The following CAMK1D variants were observed in gnomAD, a reference collection of about 807,000 sequenced individuals.
CAMK1D encodes calcium/calmodulin-dependent protein kinase type 1D.
CAMK1D carries 9 observed loss-of-function variants against 47.7 expected under a neutral mutation model. The observed-to-expected ratio is 0.19, with a 90% CI of 0.11 to 0.33. The LOEUF (loss-of-function observed/expected upper bound fraction) is 0.33. CAMK1D is among the 10% of genes least tolerant of loss of function. CAMK1D has a pLI of 1.00. For missense variants in CAMK1D, 291 were observed against 488.7 expected (o/e 0.60, Z 3.81); for synonymous variants, 184 against 184.9 (o/e 0.99, Z 0.04).
chr10:12,478,336 C>T (rs12761525), intron 1 of CAMK1D, among the ~76,000 whole-genome samples: 22,674 of 152,086 alleles, frequency 0.15, 1,794 homozygotes, highest in South Asian at 0.21. Context: ...CAAGGTCTCG[C>T]TCTGTCACCC....
At chr10:12,442,406 G>A (rs746668765) in intron 1 of CAMK1D, among the ~76,000 whole-genome samples, 3 of 152,002 alleles carry the variant, frequency 2.0e-5, no homozygotes, top group Admixed American at 6.6e-5. Flanking sequence ...GCGTGAACCC[G>A]GGAGGCAGAG....
intron 1 of CAMK1D, among the ~76,000 whole-genome samples, chr10:12,523,552 G>A (rs12768628): frequency 0.51 from 76,354 of 150,464 alleles, 19,617 homozygotes; most frequent in South Asian, 0.62. Flanking sequence ...AGACCAGCCC[G>A]GCCAACACAG....
In CAMK1D at chr10:12,742,369, A is replaced by G. The variant is rs79291483; in HGVS notation, c.300-18579A>G. 7.5e-3 allele frequency among the ~76,000 whole-genome samples: 1,139 copies of G among 152,240 alleles called. 17 individuals are homozygous for G. Among genetic ancestry groups the G allele is most frequent in the African/African-American group, 0.026 (1,084 of 41,566 alleles). On this transcript the variant is annotated intron_variant, in intron 3 of 10. Coordinates refer to ENST00000619168, the MANE Select transcript of CAMK1D (RefSeq NM_153498.4). ...AGGCTGGTTTCCAACTCCTGGGCTC[A>G]GGCAATCCGCCTGCCTTGGCCTCCC...
At chr10:12,696,742 GA>G (rs1164923289) in intron 3 of CAMK1D, among the ~76,000 whole-genome samples, 1 of 152,278 alleles carries the variant, frequency 6.6e-6, no homozygotes, top group Middle Eastern at 3.4e-3. Context: ...GGAAGCCTCA[GA>G]ATTTTCTACT....
chr10:12,730,604 A>G (rs1460895506), intron 3 of CAMK1D, among the ~76,000 whole-genome samples: 2 of 152,192 alleles, frequency 1.3e-5, no homozygotes, highest in African/African-American at 4.8e-5. Flanking sequence ...GGGAAGGGCT[A>G]CAGACTGAGC....
intron 1 of CAMK1D, among the ~76,000 whole-genome samples, chr10:12,448,330 A>G (rs914073785): frequency 4.8e-5 from 7 of 145,408 alleles, no homozygotes; most frequent in Non-Finnish European, 1.0e-4. Context: ...TGGATTTTTT[A>G]CTTATTTTTA....
At chr10:12,394,309 C>A (rs914212658) in intron 1 of CAMK1D, among the ~76,000 whole-genome samples, 1 of 152,254 alleles carries the variant, frequency 6.6e-6, no homozygotes, top group African/African-American at 2.4e-5. Flanking sequence ...ACCAGAAACT[C>A]CCCAGACCTC....
chr10:12,380,675 T>G (rs1053232048), intron 1 of CAMK1D, among the ~76,000 whole-genome samples: 2 of 152,064 alleles, frequency 1.3e-5, no homozygotes, highest in Non-Finnish European at 2.9e-5. Context: ...GCTAACACGG[T>G]GAAACCCCAT....
At chr10:12,782,655 G>A (rs976989643) in intron 5 of CAMK1D, among the ~76,000 whole-genome samples, 7 of 152,160 alleles carry the variant, frequency 4.6e-5, no homozygotes, top group African/African-American at 7.2e-5. Context: ...GCATCGCTTC[G>A]TCCCACTTCC....
intron 2 of CAMK1D, among the ~76,000 whole-genome samples, chr10:12,626,866 G>A (rs1839233368): frequency 6.6e-6 from 1 of 152,098 alleles, no homozygotes; most frequent in Non-Finnish European, 1.5e-5. Context: ...CTAACTAGAG[G>A]ATTTAGCTCA....
chr10:12,542,454 T>C (rs1432663036), intron 1 of CAMK1D, among the ~76,000 whole-genome samples: 1 of 152,188 alleles, frequency 6.6e-6, no homozygotes, highest in Non-Finnish European at 1.5e-5. Context: ...GGCAGGTCAT[T>C]TCAGCACCAT....
chr10:12,644,088 C>T (rs1839750482), intron 2 of CAMK1D, among the ~76,000 whole-genome samples: 1 of 151,942 alleles, frequency 6.6e-6, no homozygotes, highest in African/African-American at 2.4e-5. Context: ...TGAAATCATC[C>T]CGAAACCATC....
chr10:12,801,046 A>G (rs1388415345), intron 6 of CAMK1D, among the ~76,000 whole-genome samples: 1 of 152,196 alleles, frequency 6.6e-6, no homozygotes, highest in Non-Finnish European at 1.5e-5. Context: ...CTCCACCTCA[A>G]CATTGCTCTT....
At chr10:12,808,744 C>A (rs987545866) in intron 6 of CAMK1D, among the ~76,000 whole-genome samples, 1 of 152,162 alleles carries the variant, frequency 6.6e-6, no homozygotes, top group Non-Finnish European at 1.5e-5. Flanking sequence ...CGCTACTGCA[C>A]TCCAACCTGG....
intron 2 of CAMK1D, among the ~76,000 whole-genome samples, chr10:12,555,504 A>G (rs1207849095): frequency 6.6e-6 from 1 of 152,220 alleles, no homozygotes; most frequent in Non-Finnish European, 1.5e-5. Context: ...GGATTGCAGG[A>G]AATGATTGTA....
chr10:12,468,343 T>C (rs1054022579), intron 1 of CAMK1D, among the ~76,000 whole-genome samples: 3 of 152,254 alleles, frequency 2.0e-5, no homozygotes, highest in African/African-American at 7.2e-5. Context: ...ATTACAGCCA[T>C]GAGCCACTGA....
intron 3 of CAMK1D, among the ~76,000 whole-genome samples, chr10:12,741,406 G>A (rs1235074151): frequency 1.3e-5 from 2 of 152,194 alleles, no homozygotes; most frequent in Non-Finnish European, 1.5e-5. Context: ...CACTGACCAC[G>A]CTGAACCAGG....
intron 8 of CAMK1D, among the ~76,000 whole-genome samples, chr10:12,823,158 C>G (rs140622995): frequency 2.0e-5 from 3 of 152,240 alleles, no homozygotes; most frequent in African/African-American, 7.2e-5. Context: ...CCTTTCATCT[C>G]CTGAAGTAGT....
intron 2 of CAMK1D, among the ~76,000 whole-genome samples, chr10:12,566,361 G>A (rs1837124548): frequency 6.6e-6 from 1 of 152,130 alleles, no homozygotes; most frequent in South Asian, 2.1e-4. Flanking sequence ...GAGGTGGCCG[G>A]CCTTCTTCCA....
Sources: gnomAD v4.1 joint callset for allele counts (sites outside exome capture counted in the v4.1 genomes callset) on GRCh38, gnomAD v4.1.1 for gene constraint, MANE v1.5 for transcripts, NCBI Gene and HGNC (gene_info 2026-07-23, HGNC 2026-07-21) for gene names.